The following EXOC4 variants were observed in gnomAD, a reference collection of about 807,000 sequenced individuals.
EXOC4 encodes the protein SEC8-like 1.
Under a neutral mutation model 107.2 loss-of-function variants are expected in EXOC4, and 71 were observed. That is an observed-to-expected ratio of 0.66 (90% confidence interval 0.55 to 0.81). The LOEUF (loss-of-function observed/expected upper bound fraction) is 0.81, where lower values mean the gene tolerates loss of function less well. EXOC4 is among the 30% of genes least tolerant of loss of function. The pLI, the probability that EXOC4 is intolerant of heterozygous loss-of-function variation, is 0.00. For synonymous variants in EXOC4, 456 were observed against 441.2 expected (o/e 1.03, Z -0.42); for missense variants, 1,108 against 1,189.6 (o/e 0.93, Z 1.01).
intron 10 of EXOC4, among the ~76,000 whole-genome samples, chr7:133,728,219 T>G (rs1265983524): frequency 6.6e-6 from 1 of 152,238 alleles, no homozygotes; most frequent in African/African-American, 2.4e-5. Context: ...GAAAGTTCCA[T>G]GGGAAGCTAA....
chr7:133,431,316 G>A (rs1434810652), intron 7 of EXOC4, among the ~76,000 whole-genome samples: 1 of 152,102 alleles, frequency 6.6e-6, no homozygotes, highest in East Asian at 1.9e-4. Context: ...TACTGCTGAG[G>A]CTAGCATTCA....
intron 4 of EXOC4, among the ~76,000 whole-genome samples, chr7:133,316,271 TC>T (rs1488815182): frequency 6.6e-6 from 1 of 152,166 alleles, no homozygotes; most frequent in Non-Finnish European, 1.5e-5. Context: ...CACACATCCT[TC>T]CTTCCTTCCT....
In EXOC4 at chr7:133,758,809, A is replaced by T. The variant is rs1585126142; in HGVS notation, c.1515-58516A>T. ...TCTTTGAAGTTTAATAACCTTACTA[A>T]GATATAGCTCTTCCCCCTGCCCCCC... On this transcript the variant is annotated intron_variant, in intron 10 of 17. Transcript: ENST00000253861. Among the ~76,000 whole-genome samples, 5 of 152,284 alleles carry T rather than the reference A, an allele frequency of 3.3e-5. No individual in the cohort carries two copies. In the East Asian group the frequency reaches 9.7e-4, roughly 29 times the overall value.
intron 17 of EXOC4, among the ~76,000 whole-genome samples, chr7:134,061,001 G>A (rs1475433166): frequency 6.6e-6 from 1 of 152,086 alleles, no homozygotes; most frequent in Admixed American, 6.6e-5. Flanking sequence ...TGTCATTCCG[G>A]GATTTATAAA....
chr7:133,280,863 T>C (rs1035569664), intron 2 of EXOC4, among the ~76,000 whole-genome samples: 1 of 152,158 alleles, frequency 6.6e-6, no homozygotes. Flanking sequence ...AAATATAAGA[T>C]GCTGCTTGTA....
intron 4 of EXOC4, among the ~76,000 whole-genome samples, chr7:133,312,667 TGTG>T (rs1250705061): frequency 6.6e-6 from 1 of 152,012 alleles, no homozygotes; most frequent in Non-Finnish European, 1.5e-5. Flanking sequence ...ATTTTTGTGT[TGTG>T]TGACGTGGGG....
chr7:133,868,921 G>A (rs1208820301), intron 11 of EXOC4, among the ~76,000 whole-genome samples: 1 of 151,876 alleles, frequency 6.6e-6, no homozygotes, highest in East Asian at 1.9e-4. Context: ...TTCTCCCCTC[G>A]ATAACATCTC....
chr7:134,030,046 A>T (rs1476152514), intron 17 of EXOC4, among the ~76,000 whole-genome samples: 1 of 152,240 alleles, frequency 6.6e-6, no homozygotes, highest in African/African-American at 2.4e-5. Context: ...ATATTTATTG[A>T]ATAAATGTGA....
intron 7 of EXOC4, among the ~76,000 whole-genome samples, chr7:133,404,183 T>C (rs1261280894): frequency 6.6e-6 from 1 of 152,152 alleles, no homozygotes; most frequent in Non-Finnish European, 1.5e-5. Context: ...CACTGCAAGC[T>C]CCGCTTCCCG....
chr7:133,728,621 C>G (rs2151114416), intron 10 of EXOC4, among the ~76,000 whole-genome samples: 1 of 152,248 alleles, frequency 6.6e-6, no homozygotes, highest in Admixed American at 6.5e-5. Flanking sequence ...TTGTAATTTA[C>G]AGTATGTGCC....
chr7:133,268,479 A>G (rs1297597382), intron 1 of EXOC4, among the ~76,000 whole-genome samples: 1 of 152,124 alleles, frequency 6.6e-6, no homozygotes, highest in Non-Finnish European at 1.5e-5. Context: ...TTTGTCTTTA[A>G]GAACAATACT....
intron 10 of EXOC4, among the ~76,000 whole-genome samples, chr7:133,717,225 AT>A (rs1795016202): frequency 6.6e-6 from 1 of 152,232 alleles, no homozygotes; most frequent in African/African-American, 2.4e-5. Context: ...TTTGTGTGTA[AT>A]TCAAGGTTAA....
At chr7:134,097,137 A>G in the EXOC4 span, among the ~76,000 whole-genome samples, 1 of 152,148 alleles carries the variant, frequency 6.6e-6, no homozygotes, top group Non-Finnish European at 1.5e-5. Flanking sequence ...TAAAAATTTG[A>G]GCTCATGGAA....
chr7:133,795,447 GAAAACTGAGAAAAAGGCA>G (rs1216420043), intron 10 of EXOC4, among the ~76,000 whole-genome samples: 1 of 152,118 alleles, frequency 6.6e-6, no homozygotes, highest in African/African-American at 2.4e-5. Flanking sequence ...GAGCAACTAG[GAAAACTGAGAAAAAGGCA>G]AATCATGCCA....
chr7:133,309,508 A>G (rs1397169869), intron 4 of EXOC4, among the ~76,000 whole-genome samples: 1 of 152,218 alleles, frequency 6.6e-6, no homozygotes, highest in East Asian at 1.9e-4. Flanking sequence ...ACGTACAACC[A>G]GAGAACAATA....
intron 10 of EXOC4, among the ~76,000 whole-genome samples, chr7:133,718,548 C>G (rs1346455627): frequency 6.6e-6 from 1 of 152,134 alleles, no homozygotes; most frequent in East Asian, 1.9e-4. Flanking sequence ...TCAGATAATC[C>G]TGCTTCTTGC....
intron 12 of EXOC4, among the ~76,000 whole-genome samples, chr7:133,914,951 A>G (rs1799772587): frequency 6.6e-6 from 1 of 152,230 alleles, no homozygotes; most frequent in Non-Finnish European, 1.5e-5. Flanking sequence ...ACATTCAAGG[A>G]GATAAAGAAA....
chr7:133,491,989 T>C (rs1490977143), intron 9 of EXOC4, among the ~76,000 whole-genome samples: 1 of 152,166 alleles, frequency 6.6e-6, no homozygotes, highest in African/African-American at 2.4e-5. Context: ...CATGGAAGAC[T>C]GGTAGGCAGA....
intron 11 of EXOC4, among the ~76,000 whole-genome samples, chr7:133,837,542 A>G (rs1226722684): frequency 6.6e-6 from 1 of 152,098 alleles, no homozygotes; most frequent in African/African-American, 2.4e-5. Flanking sequence ...TCTTGAATGC[A>G]TTTTCTTCCT....
Sources: allele counts gnomAD v4.1 joint callset (sites outside exome capture counted in the v4.1 genomes callset), GRCh38; gene constraint gnomAD v4.1.1; transcripts MANE v1.5; gene names NCBI Gene and HGNC (gene_info 2026-07-23, HGNC 2026-07-21).